PRKCE: variants seen among roughly 807,000 people sequenced by gnomAD.
PRKCE encodes protein kinase C epsilon type.
Under a neutral mutation model 85.4 loss-of-function variants are expected in PRKCE, and 16 were observed. The observed-to-expected ratio is 0.19, with a 90% CI of 0.13 to 0.28. The LOEUF (loss-of-function observed/expected upper bound fraction) is 0.28. Among genes scored for constraint, PRKCE ranks in the 10% least tolerant of loss-of-function variants. PRKCE has a pLI of 1.00. For missense variants in PRKCE, 573 were observed against 975.2 expected (o/e 0.59, Z 5.49); for synonymous variants, 388 against 371.5 (o/e 1.04, Z -0.51).
chr2:45,809,796 C>T (rs996762196), intron 1 of PRKCE, among the ~76,000 whole-genome samples: 1 of 150,950 alleles, frequency 6.6e-6, no homozygotes, highest in Non-Finnish European at 1.5e-5. Context: ...AGGAGGATTG[C>T]TTGAACCCAG....
At chr2:46,059,372 A>C (rs375497410) in intron 10 of PRKCE, among the ~76,000 whole-genome samples, 72 of 152,374 alleles carry the variant, frequency 4.7e-4, no homozygotes, top group African/African-American at 1.6e-3. Flanking sequence ...TAGCCAAACA[A>C]ATTATCTTCT....
At chr2:46,075,583 C>T (rs946687587) in intron 10 of PRKCE, among the ~76,000 whole-genome samples, 67 of 151,612 alleles carry the variant, frequency 4.4e-4, no homozygotes, top group African/African-American at 1.6e-3. Context: ...CCTCTCTCTA[C>T]AAAAAAATAT....
chr2:45,858,778 T>C (rs760983749), intron 2 of PRKCE, among the ~76,000 whole-genome samples: 5 of 152,112 alleles, frequency 3.3e-5, no homozygotes, highest in African/African-American at 7.2e-5. Flanking sequence ...CGGTGGCTCA[T>C]ACCTGTAATC....
intron 1 of PRKCE, among the ~76,000 whole-genome samples, chr2:45,796,724 T>C (rs1040855492): frequency 3.9e-5 from 6 of 152,188 alleles, no homozygotes; most frequent in African/African-American, 1.4e-4. Flanking sequence ...ATTGTGCATT[T>C]TTCCCAGAGC....
At chr2:45,861,342 C>T (rs1693146071) in intron 2 of PRKCE, among the ~76,000 whole-genome samples, 1 of 152,096 alleles carries the variant, frequency 6.6e-6, no homozygotes, top group Middle Eastern at 3.2e-3. Flanking sequence ...CTGAGTTATG[C>T]TGAACACAGT....
At chr2:45,897,063 A>G (rs1696203791) in intron 2 of PRKCE, among the ~76,000 whole-genome samples, 1 of 152,160 alleles carries the variant, frequency 6.6e-6, no homozygotes, top group Non-Finnish European at 1.5e-5. Context: ...GGGTGACAGA[A>G]CAAGATCTTA....
At chr2:46,015,643 A>G (rs1439856010) in intron 10 of PRKCE, among the ~76,000 whole-genome samples, 1 of 151,714 alleles carries the variant, frequency 6.6e-6, no homozygotes, top group Admixed American at 6.6e-5. Context: ...CGTAGGAGCA[A>G]AAGTGTCATT....
intron 1 of PRKCE, among the ~76,000 whole-genome samples, chr2:45,678,619 AATTT>A: frequency 6.6e-6 from 1 of 152,366 alleles, no homozygotes; most frequent in Non-Finnish European, 1.5e-5. Flanking sequence ...TTTTGAGAAA[AATTT>A]GGAGGGAACC....
At chr2:45,904,159 C>G (rs560525753) in intron 2 of PRKCE, among the ~76,000 whole-genome samples, 1 of 152,212 alleles carries the variant, frequency 6.6e-6, no homozygotes, top group South Asian at 2.1e-4. Flanking sequence ...CCTCCTCGGC[C>G]TCCCAATATG....
intron 2 of PRKCE, among the ~76,000 whole-genome samples, chr2:45,884,832 C>A (rs1695125752): frequency 6.6e-6 from 1 of 151,416 alleles, no homozygotes; most frequent in African/African-American, 2.4e-5. Context: ...AGTTCTATTC[C>A]CCAGAGGTGA....
chr2:45,803,232 C>T (rs951155982), intron 1 of PRKCE, among the ~76,000 whole-genome samples: 2 of 152,164 alleles, frequency 1.3e-5, no homozygotes, highest in Non-Finnish European at 1.5e-5. Flanking sequence ...TTGGTCTATA[C>T]CTAGGTGTTT....
chr2:45,684,327 T>C (rs1478557198), intron 1 of PRKCE, among the ~76,000 whole-genome samples: 2 of 152,168 alleles, frequency 1.3e-5, no homozygotes, highest in African/African-American at 4.8e-5. Context: ...GATGGGGGGA[T>C]AGGCAAGCAT....
At chr2:45,725,081 C>T (rs919943151) in intron 1 of PRKCE, among the ~76,000 whole-genome samples, 1 of 152,218 alleles carries the variant, frequency 6.6e-6, no homozygotes, top group Admixed American at 6.5e-5. Flanking sequence ...CAGCCTGTCT[C>T]CCTTATTAGG....
intron 1 of PRKCE, among the ~76,000 whole-genome samples, chr2:45,686,004 A>G (rs11898870): frequency 0.073 from 11,158 of 152,226 alleles, 498 homozygotes; most frequent in East Asian, 0.17. Context: ...GAGATTTTGC[A>G]TCAATCATAT....
intron 14 of PRKCE, among the ~76,000 whole-genome samples, chr2:46,171,216 T>C (rs1678862242): frequency 6.6e-6 from 1 of 152,198 alleles, no homozygotes; most frequent in Admixed American, 6.5e-5. Flanking sequence ...GGCAGGGTAC[T>C]GTCTCCTCCT....
chr2:46,150,474 A>G (rs1317079099), intron 12 of PRKCE, among the ~76,000 whole-genome samples: 1 of 152,214 alleles, frequency 6.6e-6, no homozygotes, highest in Non-Finnish European at 1.5e-5. Context: ...GCAAGAGTAT[A>G]GTGGTCCTTT....
At chr2:45,812,287 T>C (rs990816391) in intron 1 of PRKCE, among the ~76,000 whole-genome samples, 2 of 152,216 alleles carry the variant, frequency 1.3e-5, no homozygotes, top group Admixed American at 6.5e-5. Flanking sequence ...TTATGGCCCA[T>C]GGAGTGAGAA....
intron 10 of PRKCE, among the ~76,000 whole-genome samples, chr2:46,046,816 GCCAGGGTTCC>G (rs1008797473): frequency 6.6e-6 from 1 of 152,128 alleles, no homozygotes; most frequent in Non-Finnish European, 1.5e-5. Flanking sequence ...CACTTTAATA[GCCAGGGTTCC>G]CTTGGATGGG....
At chr2:46,124,807 A>G (rs1673688640) in intron 11 of PRKCE, among the ~76,000 whole-genome samples, 1 of 152,230 alleles carries the variant, frequency 6.6e-6, no homozygotes, top group Non-Finnish European at 1.5e-5. Flanking sequence ...GGGAATGATA[A>G]GGATGATGGT....
Sources: gnomAD v4.1 joint callset for allele counts (sites outside exome capture counted in the v4.1 genomes callset) on GRCh38, gnomAD v4.1.1 for gene constraint, MANE v1.5 for transcripts, NCBI Gene and HGNC (gene_info 2026-07-23, HGNC 2026-07-21) for gene names.